DOCK4: variants seen among roughly 807,000 people sequenced by gnomAD.
The protein encoded by DOCK4 is dedicator of cytokinesis 4, also known as dedicator of cytokinesis protein 4.
In DOCK4, 97 loss-of-function variants were observed where a neutral mutation model predicts 268.1. The observed-to-expected ratio is 0.36, with a 90% CI of 0.31 to 0.43. The LOEUF (loss-of-function observed/expected upper bound fraction) is 0.43. DOCK4 is among the 20% of genes least tolerant of loss of function. The pLI, the probability that DOCK4 is intolerant of heterozygous loss-of-function variation, is 1.00. For missense variants in DOCK4, 2,145 were observed against 2,455.7 expected (o/e 0.87, Z 2.67); for synonymous variants, 954 against 887.2 (o/e 1.08, Z -1.34).
Position 111,863,522 on chromosome 7 carries a change from A to G in DOCK4, c.2323T>C (p.Leu775=), listed in dbSNP as rs1318884727. 1 of 1,613,804 alleles carries G rather than the reference A, an allele frequency of 6.2e-7. No individual in the cohort carries two copies. The highest frequency in any genetic ancestry group is 1.3e-5 in the African/African-American group (1 of 75,052). The change falls in exon 23 of 53, where the codon TTG becomes CTG. Residue 775 remains leucine, a synonymous_variant. Coordinates refer to ENST00000428084, the MANE Select transcript of DOCK4 (RefSeq NM_001363540.2). ...SSFPAVYSEL[L]KLFDVREVAN... is the part of the protein sequence containing the mutation. ...ACTTCCCGGACATCAAAGAGCTTCA[A>G]CAGTTCTGAGTACACGGCAGGGAAA...
In DOCK4 at chr7:111,742,267, G is replaced by C. The variant is rs555179886; in HGVS notation, c.4678-135C>G. ...CTCTGCCTCTGACAAGGTAGGAACA[G>C]CTGTCACTTTACAGGTGAAGAAAAA... On this transcript the variant is annotated intron_variant, in intron 44 of 52. Coordinates refer to ENST00000428084, the MANE Select transcript of DOCK4 (RefSeq NM_001363540.2). 1.0e-5 allele frequency: 10 copies of C among 955,350 alleles called. No homozygotes were observed. The East Asian group carries it at 2.9e-4, about 27-fold the overall frequency. The allele number at this position is 955,350 out of a possible 1,614,324, so 59.2% of individuals were successfully genotyped here. A position where few individuals can be genotyped will look rare whatever the true frequency, so the allele number is the denominator to read the frequency against.
intron 16 of DOCK4, among the ~76,000 whole-genome samples, chr7:111,889,030 G>T (rs1808074002): frequency 6.6e-6 from 1 of 152,138 alleles, no homozygotes; most frequent in South Asian, 2.1e-4. Flanking sequence ...AGCTGAAGAT[G>T]TAGCAGTATG....
chr7:111,814,866 G>A (rs1306445685), intron 27 of DOCK4, among the ~76,000 whole-genome samples: 3 of 152,136 alleles, frequency 2.0e-5, no homozygotes, highest in Non-Finnish European at 1.5e-5. Context: ...AGACCTGAAA[G>A]AATGTTATGC....
At chr7:111,934,527 T>TTG (rs1469003025) in intron 12 of DOCK4, among the ~76,000 whole-genome samples, 6 of 115,116 alleles carry the variant, frequency 5.2e-5, no homozygotes, top group South Asian at 2.9e-4. Flanking sequence ...GTTTTTGTTT[T>TTG]TTTTTTTTTT....
chr7:111,929,719 T>C (rs1458632171), intron 12 of DOCK4, among the ~76,000 whole-genome samples: 1 of 148,872 alleles, frequency 6.7e-6, no homozygotes, highest in African/African-American at 2.6e-5. Flanking sequence ...TATATTGTGG[T>C]CTCCTTATGG....
Position 111,726,606 on chromosome 7 carries a change from CAT to C in DOCK4, c.*1666_*1667del, listed in dbSNP as rs1433877843. 6.6e-6 allele frequency: 1 copy of C among 152,588 alleles called. No individual in the cohort carries two copies. The allele number at this position is 152,588 out of a possible 1,614,324, so 9.5% of individuals were successfully genotyped here. A position where few individuals can be genotyped will look rare whatever the true frequency, so the allele number is the denominator to read the frequency against. On this transcript the variant is annotated 3_prime_UTR_variant, in exon 53 of 53. Transcript: ENST00000428084. Reference sequence around the variant, plus strand: ...CTCAATTATGAACACTTTCACTAAACATAAATATTTAACATATATTAATTTTT... The same window carrying C: ...CTCAATTATGAACACTTTCACTAAACAAATATTTAACATATATTAATTTTT...
chr7:111,859,803 G>A (rs1363925751), intron 23 of DOCK4, among the ~76,000 whole-genome samples: 1 of 151,930 alleles, frequency 6.6e-6, no homozygotes, highest in Non-Finnish European at 1.5e-5. Context: ...TTCTGACCTC[G>A]TGATCCGCCC....
chr7:111,748,708 A>ATG (rs1554580489), intron 42 of DOCK4, among the ~76,000 whole-genome samples: 1 of 786 alleles, frequency 1.3e-3, no homozygotes, highest in African/African-American at 3.8e-3. Flanking sequence ...ATATATATAC[A>ATG]TGTGTGTGTG....
chr7:111,729,297 C>G (rs1441780369), intron 52 of DOCK4, among the ~76,000 whole-genome samples: 1 of 152,116 alleles, frequency 6.6e-6, no homozygotes, highest in Non-Finnish European at 1.5e-5. Context: ...TGGTGGCTCA[C>G]GCCTGTAATC....
intron 16 of DOCK4, among the ~76,000 whole-genome samples, chr7:111,883,547 A>G (rs1459602297): frequency 6.6e-6 from 1 of 152,114 alleles, no homozygotes; most frequent in Non-Finnish European, 1.5e-5. Flanking sequence ...ACTGCCTGCC[A>G]TCTCTGCAGC....
intron 39 of DOCK4, 39 bp from the exon 40 acceptor site, chr7:111,760,361 C>A: frequency 4.4e-6 from 7 of 1,595,592 alleles, no homozygotes; most frequent in Non-Finnish European, 6.0e-6. Flanking sequence ...GGCTATATAA[C>A]TGAGTGGATT....
At chr7:112,109,435 T>C (rs1811429973) in intron 1 of DOCK4, among the ~76,000 whole-genome samples, 1 of 152,066 alleles carries the variant, frequency 6.6e-6, no homozygotes, top group Non-Finnish European at 1.5e-5. Context: ...AAGCTTAAAG[T>C]AGAAAAAGCA....
intron 35 of DOCK4, among the ~76,000 whole-genome samples, chr7:111,781,467 CAG>C (rs1798779167): frequency 6.6e-6 from 1 of 152,168 alleles, no homozygotes; most frequent in South Asian, 2.1e-4. Flanking sequence ...GTACTGAGAG[CAG>C]AGGTCAATGG....
chr7:111,728,429 G>A lies in DOCK4; in HGVS notation c.5773C>T (p.Leu1925=), dbSNP rs887212272. 1 of 1,586,364 alleles carries A rather than the reference G, an allele frequency of 6.3e-7. No homozygotes were observed. The highest frequency in any genetic ancestry group is 2.2e-5 in the East Asian group (1 of 44,638). ...YERTLRRPVP[L]PHSLSIPVTS... is the part of the protein sequence containing the mutation. ...ACGGGGATGGAGAGGCTGTGAGGTA[G>A]CGGGACGGGGCGCCGCAGAGTCCGC... Residue 1925 remains leucine (L), a synonymous_variant, in exon 53 of 53, where the codon CTA becomes TTA. Coordinates refer to ENST00000428084, the MANE Select transcript of DOCK4 (RefSeq NM_001363540.2).
At chr7:111,864,343 C>A (rs1304494685) in intron 22 of DOCK4, among the ~76,000 whole-genome samples, 1 of 151,612 alleles carries the variant, frequency 6.6e-6, no homozygotes, top group African/African-American at 2.4e-5. Flanking sequence ...GGATTGTACA[C>A]CAAAACAAAC....
intron 23 of DOCK4, among the ~76,000 whole-genome samples, chr7:111,862,640 C>T (rs2134183368): frequency 6.6e-6 from 1 of 151,658 alleles, no homozygotes; most frequent in African/African-American, 2.4e-5. Flanking sequence ...ACAGGCACCT[C>T]TCAACACACT....
chr7:112,093,666 T>C (rs901603364), intron 1 of DOCK4, among the ~76,000 whole-genome samples: 3 of 152,186 alleles, frequency 2.0e-5, no homozygotes, highest in African/African-American at 7.2e-5. Context: ...GAAACTCTTA[T>C]TACTGTGATA....
intron 23 of DOCK4, among the ~76,000 whole-genome samples, chr7:111,853,485 T>C (rs56055589): frequency 0.34 from 50,965 of 152,028 alleles, 8,674 homozygotes; most frequent in African/African-American, 0.36. Flanking sequence ...CCACCAGGAA[T>C]TGAACTGCCA....
At chr7:112,120,461 C>T (rs538113598) in intron 1 of DOCK4, among the ~76,000 whole-genome samples, 35 of 152,212 alleles carry the variant, frequency 2.3e-4, no homozygotes, top group African/African-American at 8.2e-4. Flanking sequence ...AGAAAAAATA[C>T]TTTTTTTGTG....
Sources: allele counts gnomAD v4.1 joint callset (sites outside exome capture counted in the v4.1 genomes callset), GRCh38; gene constraint gnomAD v4.1.1; transcripts MANE v1.5; gene names NCBI Gene and HGNC (gene_info 2026-07-23, HGNC 2026-07-21).